The following SLC6A11 variants were observed in gnomAD, a reference collection of about 807,000 sequenced individuals.
The protein encoded by SLC6A11 is sodium- and chloride-dependent GABA transporter 3.
Under a neutral mutation model 74.8 loss-of-function variants are expected in SLC6A11, and 25 were observed. That is an observed-to-expected ratio of 0.33 (90% CI 0.24 to 0.47). The LOEUF is 0.47. SLC6A11 is among the 20% of genes least tolerant of loss of function. SLC6A11 has a pLI of 1.00. For missense variants in SLC6A11, 574 were observed against 837.0 expected, an observed-to-expected ratio of 0.69 and a Z score of 3.88; for synonymous variants, 330 against 330.2, an observed-to-expected ratio of 1.00 and a Z score of 0.01.
intron 5 of SLC6A11, among the ~76,000 whole-genome samples, chr3:10,853,635 C>T (rs554837505): frequency 3.3e-5 from 5 of 152,342 alleles, no homozygotes; most frequent in Admixed American, 1.3e-4. Flanking sequence ...TATTCACAGG[C>T]AGAACTTCTT....
chr3:10,838,452 A>G (rs1694395455), intron 4 of SLC6A11, among the ~76,000 whole-genome samples: 1 of 152,084 alleles, frequency 6.6e-6, no homozygotes, highest in South Asian at 2.1e-4. Context: ...CTTGGTTTCA[A>G]CTCTCAATCT....
chr3:10,924,413 CA>C (rs111972557), intron 8 of SLC6A11, among the ~76,000 whole-genome samples: 1,595 of 151,794 alleles, frequency 0.011, 27 homozygotes, highest in African/African-American at 0.037. Context: ...AAGGAACCTA[CA>C]AAAAAAGTAA....
At chr3:10,935,650 C>A (rs1695751951) in intron 13 of SLC6A11, among the ~76,000 whole-genome samples, 1 of 152,242 alleles carries the variant, frequency 6.6e-6, no homozygotes, top group Non-Finnish European at 1.5e-5. Context: ...GCATCATTTT[C>A]TGCAGTTAGC....
rs891077164 is a variant in SLC6A11 at position 10,915,073 on chromosome 3, C to T, written c.995+2880C>T. Among the ~76,000 whole-genome samples, 6 of 152,164 alleles carry T rather than the reference C, an allele frequency of 3.9e-5. No individual in the cohort carries two copies. The highest frequency in any genetic ancestry group is 1.4e-4 in the African/African-American group (6 of 41,436). On this transcript the variant is annotated intron_variant, in intron 7 of 13. Coordinates refer to ENST00000254488, the MANE Select transcript of SLC6A11 (RefSeq NM_014229.3). This position sits in a 1 kb window ranked among gnomAD's most constrained non-coding sequence, Gnocchi z 4.3. ...CAAGGAGATGGTGGCCCGTGGAGCT[C>T]GAGTCCCTTACTCCTGTTCACATTG...
chr3:10,889,637 G>C (rs1326706796), intron 6 of SLC6A11, among the ~76,000 whole-genome samples: 2 of 152,220 alleles, frequency 1.3e-5, no homozygotes, highest in African/African-American at 2.4e-5. Flanking sequence ...GAGCTTGTCA[G>C]ACATGCTGAC....
At chr3:10,820,175 C>T (rs2106569562) in intron 3 of SLC6A11, among the ~76,000 whole-genome samples, 1 of 152,288 alleles carries the variant, frequency 6.6e-6, no homozygotes, top group South Asian at 2.1e-4. Context: ...GACTTAGACT[C>T]AGGGGACTAG....
chr3:10,820,912 G>A (rs1418389938), intron 3 of SLC6A11, among the ~76,000 whole-genome samples: 3 of 152,288 alleles, frequency 2.0e-5, no homozygotes, highest in African/African-American at 7.2e-5. Context: ...GCCATCGTGA[G>A]GGCTGAGATC....
intron 6 of SLC6A11, among the ~76,000 whole-genome samples, 153 bp from the exon 7 acceptor site, chr3:10,911,937 A>G (rs889891704): frequency 2.6e-5 from 4 of 152,172 alleles, no homozygotes; most frequent in Non-Finnish European, 5.9e-5. Flanking sequence ...GAACTCTTTT[A>G]AAGGGGGTCC....
chr3:10,930,051 T>C (rs1695665348), intron 10 of SLC6A11, among the ~76,000 whole-genome samples: 1 of 152,174 alleles, frequency 6.6e-6, no homozygotes, highest in South Asian at 2.1e-4. Flanking sequence ...GAAACAAGAA[T>C]AGGTTTTGTA....
At chr3:10,912,232 C>A in intron 7 of SLC6A11, 39 bp downstream of exon 7, 2 of 1,319,830 alleles carry the variant, frequency 1.5e-6, no homozygotes, top group South Asian at 1.2e-5. Flanking sequence ...CTCCACCAAA[C>A]CCTGAGAGCC....
intron 4 of SLC6A11, among the ~76,000 whole-genome samples, chr3:10,840,031 C>T (rs914357076): frequency 6.6e-5 from 10 of 152,152 alleles, no homozygotes; most frequent in Non-Finnish European, 1.2e-4. Context: ...CCCACCCTGA[C>T]CGTTCATTCC....
rs185686100 is a variant in SLC6A11, at chr3:10,878,474, G to A, written c.891+3379G>A. Among the ~76,000 whole-genome samples, 385 of 144,636 alleles carry A rather than the reference G, an allele frequency of 2.7e-3. 4 individuals carry two copies. Among genetic ancestry groups the A allele is most frequent in the Middle Eastern group, 0.021 (6 of 290 alleles). 94.9% of individuals were successfully genotyped at this position (144,636 alleles called of 152,430 possible). A position where few individuals can be genotyped will look rare whatever the true frequency, so the allele number is the denominator to read the frequency against. ...GGCTGGAGTGCAGTGGTGTGATCTC[G>A]GCTCAATGCAACCTCCGCTTCCCAG... On this transcript the variant is annotated intron_variant, in intron 6 of 13. Transcript: ENST00000254488.
intron 6 of SLC6A11, among the ~76,000 whole-genome samples, chr3:10,909,236 T>C (rs1338991251): frequency 6.6e-6 from 1 of 151,842 alleles, no homozygotes; most frequent in Non-Finnish European, 1.5e-5. Flanking sequence ...CAGCCCTGAA[T>C]CTACCTCTGA....
chr3:10,854,625 T>A (rs905124303), intron 5 of SLC6A11, among the ~76,000 whole-genome samples: 3 of 152,130 alleles, frequency 2.0e-5, no homozygotes, highest in Non-Finnish European at 4.4e-5. Flanking sequence ...TCCCGCCTTT[T>A]ATAAGGCAGA....
intron 5 of SLC6A11, among the ~76,000 whole-genome samples, chr3:10,869,244 CAG>C (rs1308359679): frequency 6.6e-5 from 10 of 152,276 alleles, no homozygotes; most frequent in African/African-American, 2.2e-4. Flanking sequence ...GCGGGAATGA[CAG>C]GGGTGATGAA....
rs1214537242 is a variant in SLC6A11 at position 10,915,934 on chromosome 3, C to G, written c.996-2395C>G. Among the ~76,000 whole-genome samples the G allele has an allele frequency of 6.6e-6, 1 of 152,126 alleles. No individual in the cohort carries two copies. Among genetic ancestry groups the G allele is most frequent in the Non-Finnish European group, 1.5e-5 (1 of 68,036 alleles). On this transcript the variant is annotated intron_variant, in intron 7 of 13. Transcript: ENST00000254488. This position sits in a 1 kb window ranked among gnomAD's most constrained non-coding sequence, Gnocchi z 4.3. ...TAGGGTGCATCATTTTTGTTTAGCT[C>G]CTAGCAAAAGCATGGGCTTTGATCT...
chr3:10,844,166 A>C (rs1052513591), intron 4 of SLC6A11, 48 bp from the exon 5 acceptor site: 1 of 1,611,720 alleles, frequency 6.2e-7, no homozygotes, highest in Non-Finnish European at 8.5e-7. Flanking sequence ...GCTTTGCTGA[A>C]AATGGGCCAG....
rs1473063662 is a variant in SLC6A11, at chr3:10,940,018, CTG to C, written c.*1618_*1619del. The C allele has an allele frequency of 3.9e-5, 6 of 152,286 alleles. No individual in the cohort carries two copies. The highest frequency in any genetic ancestry group is 2.9e-5 in the Non-Finnish European group (2 of 68,090). The allele number at this position is 152,286 out of a possible 1,614,324, so 9.4% of individuals were successfully genotyped here. ...GGCCTGAGTTTCCTGTAAGGGTCCTCTGTTTTTGATTCACCCAAAAGTCTGCA... is the reference window on the plus strand; with the variant it reads ...GGCCTGAGTTTCCTGTAAGGGTCCTCTTTTTGATTCACCCAAAAGTCTGCA... On this transcript the variant is annotated 3_prime_UTR_variant, in exon 14 of 14. Transcript: ENST00000254488.
At chr3:10,906,002 G>A (rs1049509867) in intron 6 of SLC6A11, among the ~76,000 whole-genome samples, 17 of 152,164 alleles carry the variant, frequency 1.1e-4, no homozygotes, top group African/African-American at 4.1e-4. Context: ...ACATCGATAT[G>A]TAGCCCTAGA....
Sources: allele counts gnomAD v4.1 joint callset (sites outside exome capture counted in the v4.1 genomes callset), GRCh38; gene constraint gnomAD v4.1.1; non-coding constraint Gnocchi (gnomAD v3.1); transcripts MANE v1.5; gene names NCBI Gene and HGNC (gene_info 2026-07-23, HGNC 2026-07-21).